Variants in FGF12 observed in about 807,000 individuals in gnomAD.
FGF12 encodes the protein fibroblast growth factor 12.
FGF12 carries 14 observed loss-of-function variants against 23.6 expected under a neutral mutation model. The ratio of observed to expected loss-of-function variants is 0.59; its 90% CI spans 0.39 to 0.93. The LOEUF is 0.93. Ranked by LOEUF, FGF12 falls within the 40% of genes least tolerant of loss-of-function variation. FGF12 has a pLI of 0.00. For missense variants in FGF12, 175 were observed against 217.8 expected, an observed-to-expected ratio of 0.80 and a Z score of 1.24; for synonymous variants, 62 against 77.3, an observed-to-expected ratio of 0.80 and a Z score of 1.04.
At chr3:192,273,645 G>T (rs1713591060) in intron 4 of FGF12, among the ~76,000 whole-genome samples, 1 of 152,094 alleles carries the variant, frequency 6.6e-6, no homozygotes, top group Admixed American at 6.6e-5. Context: ...CTTTGTGCAT[G>T]GTACACCCTC....
chr3:192,520,167 A>G (rs544599649), intron 2 of FGF12, among the ~76,000 whole-genome samples: 1 of 152,290 alleles, frequency 6.6e-6, no homozygotes, highest in South Asian at 2.1e-4. Context: ...CACGTACATC[A>G]TATTTATTTC....
intron 2 of FGF12, among the ~76,000 whole-genome samples, chr3:192,448,220 T>C (rs1476808580): frequency 6.6e-6 from 1 of 152,232 alleles, no homozygotes; most frequent in African/African-American, 2.4e-5. Flanking sequence ...TTCAGTCTAG[T>C]CATACTGTTA....
At chr3:192,216,230 C>T (rs1718186358) in intron 4 of FGF12, among the ~76,000 whole-genome samples, 3 of 152,114 alleles carry the variant, frequency 2.0e-5, no homozygotes, top group Non-Finnish European at 4.4e-5. Flanking sequence ...TTTTTCTCCT[C>T]GCACAAAGAA....
At chr3:192,706,729 A>G (rs1256650015) in intron 2 of FGF12, among the ~76,000 whole-genome samples, 2 of 152,216 alleles carry the variant, frequency 1.3e-5, no homozygotes, top group Non-Finnish European at 2.9e-5. Context: ...TGAAATGTCC[A>G]AGGTCACAGA....
chr3:192,332,125 T>A (rs977840609), intron 4 of FGF12, among the ~76,000 whole-genome samples: 3 of 152,272 alleles, frequency 2.0e-5, no homozygotes, highest in Non-Finnish European at 4.4e-5. Context: ...ACATAACTAA[T>A]TGTGCATATG....
chr3:192,720,407 T>G (rs985930116), intron 2 of FGF12, among the ~76,000 whole-genome samples: 1 of 152,194 alleles, frequency 6.6e-6, no homozygotes, highest in Non-Finnish European at 1.5e-5. Flanking sequence ...ACGGCCTCCC[T>G]GGGTGGGAGT....
At chr3:192,258,851 C>A (rs1218199200) in intron 4 of FGF12, among the ~76,000 whole-genome samples, 2 of 152,148 alleles carry the variant, frequency 1.3e-5, no homozygotes, top group African/African-American at 2.4e-5. Flanking sequence ...ATATGATATG[C>A]TGTCATCAAT....
At position 192,154,385 on chromosome 3, in the gene FGF12, A is replaced by G. The variant is rs1456802648; in HGVS notation, c.428-10258T>C. Among the ~76,000 whole-genome samples, 17 of 121,468 alleles carry G rather than the reference A, an allele frequency of 1.4e-4. 1 individual carries two copies. The highest frequency in any genetic ancestry group is 2.3e-4 in the Non-Finnish European group (13 of 55,422). The allele number at this position is 121,468 out of a possible 152,430, so 79.7% of individuals were successfully genotyped here. On this transcript the variant is annotated intron_variant, in intron 5 of 5. Coordinates refer to ENST00000445105, the MANE Select transcript of FGF12 (RefSeq NM_004113.6). ...ACTGCGTTCCTTTGGAGGAGGAGAG[A>G]CGCTCTGCATTTTAGAGTTTCCAGT...
intron 2 of FGF12, among the ~76,000 whole-genome samples, chr3:192,470,424 G>A (rs934607135): frequency 2.6e-5 from 4 of 152,132 alleles, no homozygotes; most frequent in Non-Finnish European, 5.9e-5. Context: ...TTCTCACTCT[G>A]TCTGCCTAGG....
chr3:192,642,270 A>G (rs1875737), intron 2 of FGF12, among the ~76,000 whole-genome samples: 88,754 of 151,976 alleles, frequency 0.58, 26,264 homozygotes, highest in Middle Eastern at 0.67. Context: ...CTATTGCTGC[A>G]TTACAGAGAG....
At chr3:192,167,772 A>ATATATATATTTTT (rs1715302128) in intron 5 of FGF12, among the ~76,000 whole-genome samples, 1 of 15,396 alleles carries the variant, frequency 6.5e-5, no homozygotes. Context: ...TATATATAAA[A>ATATATATATTTTT]TTTTTTTTTT....
intron 2 of FGF12, among the ~76,000 whole-genome samples, chr3:192,556,545 G>C (rs1295709564): frequency 6.6e-6 from 1 of 152,066 alleles, no homozygotes; most frequent in Non-Finnish European, 1.5e-5. Context: ...GAACTGAAGG[G>C]AGAAATGGAC....
intron 2 of FGF12, among the ~76,000 whole-genome samples, chr3:192,715,395 T>A (rs1375195852): frequency 6.6e-6 from 1 of 152,236 alleles, no homozygotes. Flanking sequence ...ATGAATGAAC[T>A]AAGCAATCCA....
chr3:192,360,721 G>A lies in FGF12; in HGVS notation c.14-183C>T, dbSNP rs1718685465. Reference sequence around the variant, plus strand: ...TTTTTTTTTTCCATTTAGAGGTAGAGCTTTAACACTTTTAGCAGTAAACTA... The same window carrying A: ...TTTTTTTTTTCCATTTAGAGGTAGAACTTTAACACTTTTAGCAGTAAACTA... On this transcript the variant is annotated intron_variant, in intron 2 of 5. Coordinates refer to ENST00000445105, the MANE Select transcript of FGF12 (RefSeq NM_004113.6). This position sits in a 1 kb window ranked among gnomAD's most constrained non-coding sequence, Gnocchi z 4.3. 1 of 590,576 alleles carries A rather than the reference G, an allele frequency of 1.7e-6. No individual in the cohort carries two copies. The highest frequency in any genetic ancestry group is 3.0e-6 in the Non-Finnish European group (1 of 330,218). The allele number at this position is 590,576 out of a possible 1,614,324, so 36.6% of individuals were successfully genotyped here.
chr3:192,599,650 A>G (rs1324847055), intron 2 of FGF12, among the ~76,000 whole-genome samples: 1 of 152,126 alleles, frequency 6.6e-6, no homozygotes, highest in African/African-American at 2.4e-5. Flanking sequence ...TTTATTAACT[A>G]ATAAATATTT....
intron 4 of FGF12, among the ~76,000 whole-genome samples, chr3:192,294,217 A>G (rs1714913294): frequency 6.6e-6 from 1 of 151,758 alleles, no homozygotes; most frequent in Non-Finnish European, 1.5e-5. Flanking sequence ...AGTTCATTAA[A>G]CCTTTTTTCT....
intron 4 of FGF12, among the ~76,000 whole-genome samples, chr3:192,296,016 G>A (rs1715009230): frequency 1.3e-5 from 2 of 149,182 alleles, no homozygotes; most frequent in Non-Finnish European, 3.0e-5. Context: ...CAAGTAGCTG[G>A]AACCACAGGC....
intron 2 of FGF12, among the ~76,000 whole-genome samples, chr3:192,644,633 G>A (rs553223747): frequency 6.6e-6 from 1 of 152,236 alleles, no homozygotes; most frequent in East Asian, 1.9e-4. Flanking sequence ...TTGTACGTCA[G>A]GTACTATAAT....
chr3:192,233,614 C>T (rs1252387536), intron 4 of FGF12, among the ~76,000 whole-genome samples: 4 of 152,028 alleles, frequency 2.6e-5, no homozygotes, highest in African/African-American at 7.2e-5. Flanking sequence ...TGTGATGAAA[C>T]CTTTGCCAAG....
Sources: allele counts gnomAD v4.1 joint callset (sites outside exome capture counted in the v4.1 genomes callset), GRCh38; gene constraint gnomAD v4.1.1; non-coding constraint Gnocchi (gnomAD v3.1); transcripts MANE v1.5; gene names NCBI Gene and HGNC (gene_info 2026-07-23, HGNC 2026-07-21).